MAPK15: variants seen among roughly 807,000 people sequenced by gnomAD.
The protein encoded by MAPK15 is ERK-7.
In MAPK15, 61 loss-of-function variants were observed where a neutral mutation model predicts 60.8. The ratio of observed to expected loss-of-function variants is 1.00; its 90% CI spans 0.82 to 1.24. The LOEUF (loss-of-function observed/expected upper bound fraction) is 1.24. Among genes scored for constraint, MAPK15 ranks in the 50% most tolerant of loss-of-function variants. The probability of loss-of-function intolerance (pLI) is 0.00; values close to 1 mark genes in which losing one functional copy is unlikely to be tolerated. For missense variants in MAPK15, 808 were observed against 741.1 expected, an observed-to-expected ratio of 1.09 and a Z score of -1.05; for synonymous variants, 356 against 319.9, an observed-to-expected ratio of 1.11 and a Z score of -1.21.
Position 143,721,278 on chromosome 8 carries a change from C to T in MAPK15, c.1071C>T (p.Gly357=), listed in dbSNP as rs957097653. The change falls in exon 11 of 14, where the codon GGC becomes GGT. Residue 357 remains glycine, a synonymous_variant. Transcript: ENST00000338033. ...GGSSGTSREK[G]PEGVSPSQAH... is the part of the protein sequence containing the mutation. The stretch of plus-strand genomic sequence containing the variant: ...GCAGCGGCACCTCGAGAGAGAAGGG[C>T]CCGGAGGGTGTCTCCCCAAGCCAGG... 1.2e-6 allele frequency: 2 copies of T among 1,613,336 alleles called. No individual in the cohort carries two copies. Among genetic ancestry groups the T allele is most frequent in the Non-Finnish European group, 1.7e-6 (2 of 1,179,862 alleles).
At position 143,720,979 on chromosome 8, in the gene MAPK15, C is replaced by T. The variant is rs1455772966; in HGVS notation, c.918-21C>T. On this transcript the variant is annotated intron_variant, in intron 9 of 13. Transcript: ENST00000338033. This position sits in a 1 kb window ranked among gnomAD's most constrained non-coding sequence, Gnocchi z 4.6. ...GCTCCCTTGGCCGCAGCCCGGGCCC[C>T]ACCTCCCTGGCTCCCTGCAGGTTCC... is the stretch of plus-strand genomic sequence containing the variant. The T allele has an allele frequency of 8.1e-6, 13 of 1,599,484 alleles. No individual in the cohort carries two copies. Among genetic ancestry groups the T allele is most frequent in the Non-Finnish European group, 1.1e-5 (13 of 1,173,232 alleles).
Position 143,720,160 on chromosome 8 carries a change from G to A in MAPK15, c.722-70G>A. On this transcript the variant is annotated intron_variant, in intron 7 of 13. Transcript: ENST00000338033. The surrounding 1 kb of genome is among the most constrained non-coding windows in gnomAD (Gnocchi z 4.6). ...CTCCCTGGGGCTGGAAGAGATGACT[G>A]GCCCCAGATGCCCTGAGCCGCCCCA... 1 of 1,535,778 alleles carries A rather than the reference G, an allele frequency of 6.5e-7. No homozygotes were observed. The highest frequency in any genetic ancestry group is 8.7e-7 in the Non-Finnish European group (1 of 1,143,700).
At position 143,722,188 on chromosome 8, in the gene MAPK15, C is replaced by T; in HGVS notation, c.1572C>T (p.Ala524=). 6.2e-7 allele frequency: 1 copy of T among 1,609,676 alleles called. No individual in the cohort carries two copies. The highest frequency in any genetic ancestry group is 8.5e-7 in the Non-Finnish European group (1 of 1,178,408). The change falls in exon 14 of 14, where the codon GCC becomes GCT. Residue 524 remains alanine (A), a synonymous_variant. Transcript: ENST00000338033. ...ARALLGGYSQ[A]YGTVCHSALG... ...CTTTGCTTGGAGGCTACTCCCAAGCCTACGGGACTGTCTGCCACTCGGCAC... is the reference window on the plus strand; with the variant it reads ...CTTTGCTTGGAGGCTACTCCCAAGCTTACGGGACTGTCTGCCACTCGGCAC...
In MAPK15 at chr8:143,718,877, CG is replaced by C. The variant is rs781849185; in HGVS notation, c.393del (p.His132ThrfsTer20). 6.2e-7 allele frequency: 1 copy of C among 1,610,668 alleles called. No individual in the cohort carries two copies. Among genetic ancestry groups the C allele is most frequent in the Non-Finnish European group, 8.5e-7 (1 of 1,178,930 alleles). On this transcript the variant is annotated frameshift_variant, in exon 5 of 14. Transcript: ENST00000338033. LOFTEE classifies it high-confidence loss of function. ...CTGCGGGCCACCCGGTTCCTCCACT[CG>C]GGGCACGTTGTGCACCGGGACCAGA... The part of the protein sequence containing the change: ...QLLRATRFLH[S>X]GHVVHRDQKP...
intron 1 of MAPK15, among the ~76,000 whole-genome samples, chr8:143,716,863 TG>T (rs1457821130): frequency 6.6e-6 from 1 of 150,566 alleles, no homozygotes; most frequent in African/African-American, 2.5e-5. Context: ...GGTTATGGGG[TG>T]GGCGCAGAGT....
chr8:143,718,843 T>C lies in MAPK15; in HGVS notation c.355T>C (p.Tyr119His). The C allele has an allele frequency of 6.2e-7, 1 of 1,611,950 alleles. No individual in the cohort carries two copies. Among genetic ancestry groups the C allele is most frequent in the Non-Finnish European group, 8.5e-7 (1 of 1,179,642 alleles). The change falls in exon 5 of 14, where the codon TAC becomes CAC. Residue 119 changes from tyrosine (Y) to histidine (H), a missense_variant. Coordinates refer to ENST00000338033, the MANE Select transcript of MAPK15 (RefSeq NM_139021.3). ...LQDVHVRSIF[Y>H]QLLRATRFLH... ...GGACGTCCACGTGCGCTCCATCTTC[T>C]ACCAGCTCCTGCGGGCCACCCGGTT... is the stretch of plus-strand genomic sequence containing the variant.
In MAPK15 at chr8:143,719,088, C is replaced by T; in HGVS notation, c.513C>T (p.Asp171=). The T allele has an allele frequency of 6.4e-7, 1 of 1,569,794 alleles. No individual in the cohort carries two copies. Among genetic ancestry groups the T allele is most frequent in the Non-Finnish European group, 8.6e-7 (1 of 1,157,988 alleles). ...GCGACCTCCCCGAGGGGCCTGAGGA[C>T]CAGGCCGTGACAGAGTACGTGGCCA... ...SLGDLPEGPE[D]QAVTEYVATR... The change falls in exon 6 of 14, where the codon GAC becomes GAT. Residue 171 remains aspartate (D), a synonymous_variant. Coordinates refer to ENST00000338033, the MANE Select transcript of MAPK15 (RefSeq NM_139021.3).
At chr8:143,721,175 C>T in intron 10 of MAPK15, 56 bp from the exon 11 acceptor site, 3 of 1,591,918 alleles carry the variant, frequency 1.9e-6, no homozygotes, top group South Asian at 1.1e-5. Context: ...ATGTCAGAGA[C>T]CCCCAAACGC....
rs376608201 is a variant in MAPK15, at chr8:143,718,293, G to C, written c.277G>C (p.Glu93Gln). 11 of 1,613,860 alleles carry C rather than the reference G, an allele frequency of 6.8e-6. No homozygotes were observed. The African/African-American group carries it at 1.5e-4, about 22-fold the overall frequency. ...CGACAGGGACATTTACCTGGTGTTT[G>C]AGTTTATGGGTGAGTGAGGCCCCGG... ...ENDRDIYLVF[E>Q]FMDTDLNAVI... Residue 93 changes from glutamate to glutamine, a missense_variant, in exon 4 of 14, where the codon GAG becomes CAG. Glu to Gln is a conservative substitution (Grantham distance 29). Coordinates refer to ENST00000338033, the MANE Select transcript of MAPK15 (RefSeq NM_139021.3).
rs533798923 is a variant in MAPK15 at position 143,720,733 on chromosome 8, G to T, written c.810G>T (p.Pro270=). Residue 270 remains proline, a synonymous_variant, in exon 9 of 14, where the codon CCG becomes CCT. Transcript: ENST00000338033. This position sits in a 1 kb window ranked among gnomAD's most constrained non-coding sequence, Gnocchi z 4.6. The part of the protein sequence containing the change: ...RPRQTLDALL[P]PDTSPEALDL... ...GACAGACGCTGGATGCCCTCCTACCGCCAGACACCTCCCCAGAGGCCTTGG... is the reference window on the plus strand; with the variant it reads ...GACAGACGCTGGATGCCCTCCTACCTCCAGACACCTCCCCAGAGGCCTTGG... 1.2e-6 allele frequency: 2 copies of T among 1,613,136 alleles called. No homozygotes were observed. Among genetic ancestry groups the T allele is most frequent in the Non-Finnish European group, 1.7e-6 (2 of 1,179,674 alleles).
In MAPK15 at chr8:143,717,912, C is replaced by T; in HGVS notation, c.165+120C>T. 3.3e-6 allele frequency: 5 copies of T among 1,496,700 alleles called. No homozygotes were observed. The South Asian group carries it at 5.7e-5, about 17-fold the overall frequency. The allele number at this position is 1,496,700 out of a possible 1,614,324, so 92.7% of individuals were successfully genotyped here. A position where few individuals can be genotyped will look rare whatever the true frequency, so the allele number is the denominator to read the frequency against. On this transcript the variant is annotated intron_variant, in intron 2 of 13. Coordinates refer to ENST00000338033, the MANE Select transcript of MAPK15 (RefSeq NM_139021.3). ...AGTCATAGCAGATGTTCTGGCCTGT[C>T]TCGGAACACTGCCCCCTTGCCACGC...
chr8:143,718,396 T>C (rs1481557082), intron 4 of MAPK15, 94 bp downstream of exon 4: 5 of 1,136,544 alleles, frequency 4.4e-6, no homozygotes, highest in Non-Finnish European at 6.6e-6. Context: ...CGTGTCCCTC[T>C]GCAGCTGGCC....
chr8:143,720,812 C>G lies in MAPK15; in HGVS notation c.889C>G (p.Gln297Glu). The G allele has an allele frequency of 1.2e-6, 2 of 1,613,340 alleles. No individual in the cohort carries two copies. Among genetic ancestry groups the G allele is most frequent in the Non-Finnish European group, 1.7e-6 (2 of 1,179,866 alleles). The change falls in exon 9 of 14, where the codon CAG (glutamine) becomes GAG (glutamate). Residue 297 changes from glutamine to glutamate, a missense_variant. Gln to Glu is a conservative substitution (Grantham distance 29, BLOSUM62 2). Transcript: ENST00000338033. This position sits in a 1 kb window ranked among gnomAD's most constrained non-coding sequence, Gnocchi z 4.6. ...CCCGGACAAGCGGTTAAGCGCGACC[C>G]AGGCACTGCAGCACCCCTACGTGCA... ...FAPDKRLSAT[Q>E]ALQHPYVQRF...
chr8:143,719,610 A>T lies in MAPK15; in HGVS notation c.721+128A>T, dbSNP rs1320500541. The T allele has an allele frequency of 1.5e-5, 19 of 1,294,574 alleles. No homozygotes were observed. In the African/African-American group the frequency reaches 2.4e-4, roughly 16 times the overall value. 80.2% of individuals were successfully genotyped at this position (1,294,574 alleles called of 1,614,324 possible). A position where few individuals can be genotyped will look rare whatever the true frequency, so the allele number is the denominator to read the frequency against. ...GACGGGGACAGGGAGGATCCAGAGG[A>T]TGGGGCAGGAGCCCCAGGAAGACCG... On this transcript the variant is annotated intron_variant, in intron 7 of 13. Coordinates refer to ENST00000338033, the MANE Select transcript of MAPK15 (RefSeq NM_139021.3).
intron 13 of MAPK15, 78 bp downstream of exon 13, chr8:143,721,958 C>T: frequency 1.3e-6 from 2 of 1,482,056 alleles, no homozygotes. Context: ...TCCCTCCCTT[C>T]CCCATGCTTC....
At chr8:143,718,623 G>C in intron 4 of MAPK15, 152 bp from the exon 5 acceptor site, 1 of 675,868 alleles carries the variant, frequency 1.5e-6, no homozygotes, top group Non-Finnish European at 2.6e-6. Flanking sequence ...TCACCGCTGT[G>C]CCCACAGGCA....
rs994047847 is a variant in MAPK15, at chr8:143,721,242, G to A, written c.1035G>A (p.Glu345=). 6.8e-6 allele frequency: 11 copies of A among 1,611,142 alleles called. No individual in the cohort carries two copies. The highest frequency in any genetic ancestry group is 1.1e-5 in the South Asian group (1 of 90,554). Residue 345 remains glutamate, a synonymous_variant, in exon 11 of 14, where the codon GAG becomes GAA. Transcript: ENST00000338033. The part of the protein sequence containing the change: ...YRSRVYQMIL[E]CGGSSGTSRE... ...TTCCCCTCCCGCAGATGATCCTGGA[G>A]TGTGGAGGCAGCAGCGGCACCTCGA...
Position 143,721,387 on chromosome 8 carries a change from C to T in MAPK15, c.1180C>T (p.Pro394Ser), listed in dbSNP as rs1818058797. ...QGPRPRPQSS[P>S]GHDPAEHESP... ...TCCCAGACCCAGGCCCCAGAGCAGC[C>T]CAGGCCATGACCCTGCCGAGCACGG... Residue 394 changes from proline to serine, a missense_variant, in exon 11 of 14, where the codon CCA becomes TCA. Pro to Ser is a moderately conservative substitution (Grantham distance 74). Coordinates refer to ENST00000338033, the MANE Select transcript of MAPK15 (RefSeq NM_139021.3). 6.2e-7 allele frequency: 1 copy of T among 1,612,260 alleles called. No homozygotes were observed. Among genetic ancestry groups the T allele is most frequent in the Non-Finnish European group, 8.5e-7 (1 of 1,179,240 alleles).
In MAPK15 at chr8:143,720,790, G is replaced by A. The variant is rs782380382; in HGVS notation, c.867G>A (p.Pro289=). The stretch of plus-strand genomic sequence containing the variant: ...TTAGGCGACTCCTGGTGTTCGCCCC[G>A]GACAAGCGGTTAAGCGCGACCCAGG... ...DLLRRLLVFA[P]DKRLSATQAL... Residue 289 remains proline, a synonymous_variant, in exon 9 of 14, where the codon CCG becomes CCA. Transcript: ENST00000338033. The surrounding 1 kb of genome is among the most constrained non-coding windows in gnomAD (Gnocchi z 4.6). 1.4e-5 allele frequency: 23 copies of A among 1,613,548 alleles called. No individual in the cohort carries two copies. Among genetic ancestry groups the A allele is most frequent in the African/African-American group, 9.3e-5 (7 of 74,890 alleles).
Sources: allele counts gnomAD v4.1 joint callset (sites outside exome capture counted in the v4.1 genomes callset), GRCh38; gene constraint gnomAD v4.1.1; non-coding constraint Gnocchi (gnomAD v3.1); transcripts MANE v1.5; gene names NCBI Gene and HGNC (gene_info 2026-07-23, HGNC 2026-07-21).